PAPOLG: variants seen among roughly 807,000 people sequenced by gnomAD.
PAPOLG encodes poly(A) polymerase gamma, also known as PAP-gamma.
In PAPOLG, 40 loss-of-function variants were observed where a neutral mutation model predicts 99.0. The ratio of observed to expected loss-of-function variants is 0.40; its 90% CI spans 0.31 to 0.53. The LOEUF (loss-of-function observed/expected upper bound fraction) is 0.53. Ranked by LOEUF, PAPOLG falls within the 20% of genes least tolerant of loss-of-function variation. PAPOLG has a pLI of 0.41. For missense variants in PAPOLG, 675 were observed against 884.1 expected (o/e 0.76, Z 3.00); for synonymous variants, 310 against 299.3 (o/e 1.04, Z -0.37).
Position 60,798,315 on chromosome 2 carries a change from C to T in PAPOLG, c.*1155C>T, listed in dbSNP as rs552883336. Reference sequence around the variant, plus strand: ...GCATTTCTTAATATTTTTTAAGTTTCATGAATGCATGCTCAGTTTATTAAA... The same window carrying T: ...GCATTTCTTAATATTTTTTAAGTTTTATGAATGCATGCTCAGTTTATTAAA... On this transcript the variant is annotated 3_prime_UTR_variant, in exon 22 of 22. Coordinates refer to ENST00000238714, the MANE Select transcript of PAPOLG (RefSeq NM_022894.4). 6.5e-6 allele frequency: 1 copy of T among 152,736 alleles called. No homozygotes were observed. The highest frequency in any genetic ancestry group is 1.9e-4 in the East Asian group (1 of 5,328). 9.5% of individuals were successfully genotyped at this position (152,736 alleles called of 1,614,324 possible).
intron 8 of PAPOLG, 64 bp from the exon 9 acceptor site, chr2:60,779,573 A>G (rs997616264): frequency 3.5e-5 from 51 of 1,469,356 alleles, no homozygotes; most frequent in East Asian, 9.4e-5. Context: ...TAAAGAGCAG[A>G]AAAAAAAAGA....
rs986282927 is a variant in PAPOLG, at chr2:60,771,433, C to G, written c.493-86C>G. 4.2e-6 allele frequency: 6 copies of G among 1,444,754 alleles called. No individual in the cohort carries two copies. In the African/African-American group the frequency reaches 7.3e-5, roughly 18 times the overall value. The allele number at this position is 1,444,754 out of a possible 1,614,324, so 89.5% of individuals were successfully genotyped here. A position where few individuals can be genotyped will look rare whatever the true frequency, so the allele number is the denominator to read the frequency against. The stretch of plus-strand genomic sequence containing the variant: ...GAACTTCCCAAACTCATAACCAGAG[C>G]TTTTCACATTTTTTGGTGGGATGGG... On this transcript the variant is annotated intron_variant, in intron 6 of 21. Coordinates refer to ENST00000238714, the MANE Select transcript of PAPOLG (RefSeq NM_022894.4).
At chr2:60,783,254 T>C (rs774405279) in intron 13 of PAPOLG, 45 bp downstream of exon 13, 3 of 1,207,076 alleles carry the variant, frequency 2.5e-6, no homozygotes, top group Non-Finnish European at 3.5e-6. Flanking sequence ...GTGGTGATAG[T>C]AACTTATTTA....
At chr2:60,796,136 AC>A (rs1400652255) in intron 21 of PAPOLG, among the ~76,000 whole-genome samples, 1 of 151,958 alleles carries the variant, frequency 6.6e-6, no homozygotes, top group African/African-American at 2.4e-5. Flanking sequence ...CCAAGGTAAA[AC>A]AAGAGGAGAA....
intron 4 of PAPOLG, 114 bp from the exon 5 acceptor site, chr2:60,768,667 A>T: frequency 7.5e-7 from 1 of 1,336,006 alleles, no homozygotes; most frequent in East Asian, 2.4e-5. Context: ...AATCATTGTT[A>T]ACATTTTCTT....
In PAPOLG at chr2:60,800,162, G is replaced by C. The variant is rs1037861553; in HGVS notation, c.*3002G>C. 1 of 152,288 alleles carries C rather than the reference G, an allele frequency of 6.6e-6. No individual in the cohort carries two copies. The highest frequency in any genetic ancestry group is 3.4e-3 in the Middle Eastern group (1 of 294). The allele number at this position is 152,288 out of a possible 1,614,324, so 9.4% of individuals were successfully genotyped here. A position where few individuals can be genotyped will look rare whatever the true frequency, so the allele number is the denominator to read the frequency against. On this transcript the variant is annotated 3_prime_UTR_variant, in exon 22 of 22. Coordinates refer to ENST00000238714, the MANE Select transcript of PAPOLG (RefSeq NM_022894.4). The stretch of plus-strand genomic sequence containing the variant: ...ATGGCTTAAAACTTTGTAAAACTGG[G>C]ACAGGAGAATTATTATTTTTTTATT...
chr2:60,797,568 T>TA lies in PAPOLG; in HGVS notation c.*415dup, dbSNP rs1364564754. On this transcript the variant is annotated 3_prime_UTR_variant, in exon 22 of 22. Transcript: ENST00000238714. ...TTATGTTGTAATCATTGTATAGAGCTAAAAAAATTGAAAACAAACAAAAAA... is the reference window on the plus strand; with the variant it reads ...TTATGTTGTAATCATTGTATAGAGCTAAAAAAAATTGAAAACAAACAAAAAA... 6.4e-6 allele frequency: 1 copy of TA among 156,322 alleles called. No homozygotes were observed. Among genetic ancestry groups the TA allele is most frequent in the Non-Finnish European group, 1.4e-5 (1 of 70,792 alleles). 9.7% of individuals were successfully genotyped at this position (156,322 alleles called of 1,614,324 possible).
chr2:60,772,725 G>A (rs1670892741), intron 7 of PAPOLG, among the ~76,000 whole-genome samples: 1 of 152,088 alleles, frequency 6.6e-6, no homozygotes, highest in African/African-American at 2.4e-5. Context: ...TCCAGCCAGG[G>A]TGACAGAGCG....
chr2:60,762,352 A>G (rs1573217867), intron 3 of PAPOLG, among the ~76,000 whole-genome samples: 2 of 151,560 alleles, frequency 1.3e-5, no homozygotes, highest in Non-Finnish European at 2.9e-5. Context: ...TAGCTTAACT[A>G]TTTTTTTCCT....
chr2:60,800,735 T>A lies in PAPOLG; in HGVS notation c.*3575T>A, dbSNP rs1671819792. 1 of 152,246 alleles carries A rather than the reference T, an allele frequency of 6.6e-6. No individual in the cohort carries two copies. Among genetic ancestry groups the A allele is most frequent in the African/African-American group, 2.4e-5 (1 of 41,436 alleles). 9.4% of individuals were successfully genotyped at this position (152,246 alleles called of 1,614,324 possible). On this transcript the variant is annotated 3_prime_UTR_variant, in exon 22 of 22. Coordinates refer to ENST00000238714, the MANE Select transcript of PAPOLG (RefSeq NM_022894.4). ...TATAAGAAGTTCTAGTTTACATGCA[T>A]TTTTCTTGGGGAAAGTGCATAGTTT...
chr2:60,763,638 G>A (rs1178623807), intron 3 of PAPOLG, among the ~76,000 whole-genome samples: 1 of 151,960 alleles, frequency 6.6e-6, no homozygotes, highest in South Asian at 2.1e-4. Flanking sequence ...CAAGTAGCTG[G>A]GGCTACAGGT....
chr2:60,792,900 G>A (rs1671583168), intron 17 of PAPOLG, among the ~76,000 whole-genome samples: 1 of 152,214 alleles, frequency 6.6e-6, no homozygotes, highest in African/African-American at 2.4e-5. Flanking sequence ...ACAGGGTGTG[G>A]TGGCATGTGC....
At chr2:60,793,500 G>C (rs539372267) in intron 17 of PAPOLG, 127 bp from the exon 18 acceptor site, 3 of 1,068,094 alleles carry the variant, frequency 2.8e-6, no homozygotes, top group African/African-American at 3.2e-5. Context: ...GGAGGTTGAG[G>C]CTGCAGTGAG....
chr2:60,794,409 A>G (rs1573259788), intron 19 of PAPOLG: 2 of 610,302 alleles, frequency 3.3e-6, no homozygotes, highest in Admixed American at 3.3e-5. Flanking sequence ...CTTGATTTAC[A>G]GAAGTCATTA....
At chr2:60,783,402 C>T (rs1359075643) in intron 13 of PAPOLG, among the ~76,000 whole-genome samples, 193 bp downstream of exon 13, 4 of 139,602 alleles carry the variant, frequency 2.9e-5, no homozygotes, top group East Asian at 2.1e-4. Context: ...AGTTTCGCCA[C>T]GTTGGTCAGG....
intron 10 of PAPOLG, 44 bp downstream of exon 10, chr2:60,780,823 A>T: frequency 1.4e-6 from 2 of 1,455,012 alleles, no homozygotes; most frequent in Non-Finnish European, 1.9e-6. Context: ...TTTAAGGAAG[A>T]GGACATTTCA....
chr2:60,763,232 G>A (rs1670575557), intron 3 of PAPOLG, among the ~76,000 whole-genome samples: 1 of 151,886 alleles, frequency 6.6e-6, no homozygotes, highest in Admixed American at 6.6e-5. Context: ...ATGCACAATT[G>A]TGCTTGGCTT....
At chr2:60,758,725 G>T (rs986428238) in intron 1 of PAPOLG, among the ~76,000 whole-genome samples, 4 of 152,086 alleles carry the variant, frequency 2.6e-5, no homozygotes, top group Admixed American at 2.6e-4. Context: ...CACCACGCCC[G>T]GCCTCTAATG....
At chr2:60,792,080 T>A in intron 16 of PAPOLG, 49 bp from the exon 17 acceptor site, 1 of 1,542,820 alleles carries the variant, frequency 6.5e-7, no homozygotes, top group Non-Finnish European at 8.7e-7. Context: ...AACCAGTCTT[T>A]ATATTGTCAT....
Sources: gnomAD v4.1 joint callset for allele counts (sites outside exome capture counted in the v4.1 genomes callset) on GRCh38, gnomAD v4.1.1 for gene constraint, MANE v1.5 for transcripts, NCBI Gene and HGNC (gene_info 2026-07-23, HGNC 2026-07-21) for gene names.